Variants in HIVEP3 observed in about 807,000 individuals in gnomAD.
HIVEP3 encodes the protein HIVEP zinc finger 3.
Under a neutral mutation model 152.8 loss-of-function variants are expected in HIVEP3, and 49 were observed. That is an observed-to-expected ratio of 0.32 (90% CI 0.26 to 0.41). The LOEUF (loss-of-function observed/expected upper bound fraction) is 0.41. Among genes scored for constraint, HIVEP3 ranks in the 10% least tolerant of loss-of-function variants. The pLI is 1.00. For synonymous variants in HIVEP3, 1,269 were observed against 1,289.0 expected, an observed-to-expected ratio of 0.98 and a Z score of 0.33; for missense variants, 2,790 against 3,103.3, an observed-to-expected ratio of 0.90 and a Z score of 2.40.
At chr1:41,659,632 C>T (rs892832549) in intron 2 of HIVEP3, among the ~76,000 whole-genome samples, 2 of 152,178 alleles carry the variant, frequency 1.3e-5, no homozygotes, top group Admixed American at 6.5e-5. Flanking sequence ...CTAGATGCTG[C>T]GGTCCTTGCC....
At chr1:41,834,465 T>G (rs1234916889) in intron 1 of HIVEP3, among the ~76,000 whole-genome samples, 1 of 152,202 alleles carries the variant, frequency 6.6e-6, no homozygotes, top group Non-Finnish European at 1.5e-5. Flanking sequence ...AAGTGTTCAG[T>G]AAGTGTTGGC....
In HIVEP3 at chr1:41,510,951, G is replaced by A. The variant is rs144646554; in HGVS notation, c.6721C>T (p.Arg2241Ter). The A allele has an allele frequency of 3.1e-5, 50 of 1,613,584 alleles. No individual in the cohort carries two copies. Among genetic ancestry groups the A allele is most frequent in the African/African-American group, 1.7e-4 (13 of 75,044 alleles). ...CTCTCAGTGGGACTCCAGCGGCCTC[G>A]CTCCTGGGCCTCCCGGGCCCCTGTC... ...DLTGAREAQE[R>*]GRWSPTESSS... Residue 2241 changes from arginine to a stop codon, truncating the protein, a stop_gained, in exon 9 of 9, where the codon CGA becomes TGA. Coordinates refer to ENST00000372583, the MANE Select transcript of HIVEP3 (RefSeq NM_024503.5). LOFTEE classifies it high-confidence loss of function.
chr1:41,828,290 A>T (rs748019574), intron 1 of HIVEP3, among the ~76,000 whole-genome samples: 1 of 152,234 alleles, frequency 6.6e-6, no homozygotes, highest in Non-Finnish European at 1.5e-5. Flanking sequence ...CATGTCTGCA[A>T]TTCGCAGATG....
intron 1 of HIVEP3, among the ~76,000 whole-genome samples, chr1:41,863,547 T>A (rs545896770): frequency 5.3e-5 from 8 of 152,336 alleles, no homozygotes; most frequent in Admixed American, 3.9e-4. Context: ...TCTTCCCAAA[T>A]GGAAGCTGAA....
rs950769827 is a variant in HIVEP3, at chr1:41,581,124, G to C, written c.3674C>G (p.Pro1225Arg). The change falls in exon 4 of 9, where the codon CCC becomes CGC. Residue 1225 changes from proline to arginine, a missense_variant. Physicochemically the swap from Pro to Arg is moderately radical, Grantham distance 103. Transcript: ENST00000372583. The surrounding 1 kb of genome is among the most constrained non-coding windows in gnomAD (Gnocchi z 4.5). ...IPFRQPPSFL[P>R]MPYPTSSALS... ...TGCTGAGGAGGTCGGGTATGGCATG[G>C]GGAGGAAGGAAGGGGGCTGCCTGAA... 3 of 1,553,560 alleles carry C rather than the reference G, an allele frequency of 1.9e-6. No homozygotes were observed. The highest frequency in any genetic ancestry group is 1.9e-5 in the Admixed American group (1 of 52,580).
At chr1:41,626,392 C>T (rs978774551) in intron 3 of HIVEP3, among the ~76,000 whole-genome samples, 1 of 152,166 alleles carries the variant, frequency 6.6e-6, no homozygotes, top group Non-Finnish European at 1.5e-5. Flanking sequence ...CCAGGTTTCT[C>T]GCTGGAACTG....
At chr1:41,785,196 T>C (rs1342163319) in intron 1 of HIVEP3, among the ~76,000 whole-genome samples, 1 of 152,176 alleles carries the variant, frequency 6.6e-6, no homozygotes, top group African/African-American at 2.4e-5. Flanking sequence ...TCTGAGCCCC[T>C]CTTCTCTCTG....
intron 1 of HIVEP3, among the ~76,000 whole-genome samples, chr1:41,970,828 G>C (rs1221139045): frequency 6.6e-6 from 1 of 152,136 alleles, no homozygotes; most frequent in Non-Finnish European, 1.5e-5. Flanking sequence ...ATGAACATTG[G>C]AGCAACCCTG....
intron 1 of HIVEP3, among the ~76,000 whole-genome samples, chr1:41,952,084 G>C (rs977313737): frequency 2.0e-5 from 3 of 152,166 alleles, no homozygotes; most frequent in African/African-American, 7.2e-5. Context: ...CCATAAAGCA[G>C]CAGCTCTCCT....
intron 1 of HIVEP3, among the ~76,000 whole-genome samples, chr1:42,001,283 T>A (rs1480597295): frequency 6.6e-6 from 1 of 152,220 alleles, no homozygotes; most frequent in African/African-American, 2.4e-5. Context: ...CTCAGAAGCA[T>A]AAGTCTGTCC....
intron 1 of HIVEP3, among the ~76,000 whole-genome samples, chr1:41,949,872 C>G (rs1478369159): frequency 2.0e-5 from 3 of 152,154 alleles, no homozygotes; most frequent in Non-Finnish European, 4.4e-5. Context: ...ATTGAAGGCA[C>G]CCCTCCTGAG....
At chr1:41,728,680 G>A (rs1412505353) in intron 1 of HIVEP3, among the ~76,000 whole-genome samples, 3 of 152,198 alleles carry the variant, frequency 2.0e-5, no homozygotes. Context: ...AGCTCTTAAT[G>A]CAGGGCTGGC....
intron 1 of HIVEP3, among the ~76,000 whole-genome samples, chr1:41,802,928 G>A (rs1392156508): frequency 6.6e-6 from 1 of 152,222 alleles, no homozygotes; most frequent in Admixed American, 6.5e-5. Context: ...CATTGCCAAA[G>A]TGAGTATGAT....
intron 1 of HIVEP3, among the ~76,000 whole-genome samples, chr1:41,742,253 T>C (rs1216104621): frequency 6.6e-6 from 1 of 152,168 alleles, no homozygotes; most frequent in African/African-American, 2.4e-5. Context: ...CATCCATCTG[T>C]CCATTATTCC....
intron 1 of HIVEP3, among the ~76,000 whole-genome samples, chr1:41,780,083 T>C (rs1387945553): frequency 6.6e-6 from 1 of 152,128 alleles, no homozygotes; most frequent in Non-Finnish European, 1.5e-5. Flanking sequence ...GAACCAACCT[T>C]GCTAGGGACG....
At chr1:41,635,450 G>A (rs1164634049) in intron 2 of HIVEP3, among the ~76,000 whole-genome samples, 4 of 148,842 alleles carry the variant, frequency 2.7e-5, no homozygotes, top group Admixed American at 6.7e-5. Context: ...AAAATAAAAC[G>A]AGTGAGAAAA....
intron 1 of HIVEP3, among the ~76,000 whole-genome samples, chr1:41,882,879 C>T (rs1024693819): frequency 2.6e-5 from 4 of 152,136 alleles, no homozygotes; most frequent in African/African-American, 9.7e-5. Context: ...TCCTATACTG[C>T]CACTTTGGTT....
At chr1:41,743,632 C>G (rs1570442719) in intron 1 of HIVEP3, among the ~76,000 whole-genome samples, 1 of 152,158 alleles carries the variant, frequency 6.6e-6, no homozygotes, top group Non-Finnish European at 1.5e-5. Flanking sequence ...GGAGATGACG[C>G]TCAGGGACTC....
chr1:41,512,265 T>C lies in HIVEP3; in HGVS notation c.6405+551A>G, dbSNP rs77671936. On this transcript the variant is annotated intron_variant, in intron 8 of 8. Coordinates refer to ENST00000372583, the MANE Select transcript of HIVEP3 (RefSeq NM_024503.5). ...TCATGGGGACGGATCCCTCAGGGCC[T>C]GATACTGTCCTCCAGATAGTGATTT... Among the ~76,000 whole-genome samples the C allele has an allele frequency of 3.6e-3, 549 of 152,274 alleles. 2 individuals are homozygous for C. Among genetic ancestry groups the C allele is most frequent in the African/African-American group, 7.2e-3 (298 of 41,550 alleles).
Sources: gnomAD v4.1 joint callset for allele counts (sites outside exome capture counted in the v4.1 genomes callset) on GRCh38, gnomAD v4.1.1 for gene constraint, Gnocchi (gnomAD v3.1) non-coding constraint, MANE v1.5 for transcripts, NCBI Gene and HGNC (gene_info 2026-07-23, HGNC 2026-07-21) for gene names.